Variants in EXOC2 observed in about 807,000 individuals in gnomAD.
The protein encoded by EXOC2 is exocyst complex component 2, also known as SEC5-like 1.
EXOC2 carries 70 observed loss-of-function variants against 131.8 expected under a neutral mutation model. That is an observed-to-expected ratio of 0.53 (90% confidence interval 0.44 to 0.65). EXOC2 has a LOEUF of 0.65. Among genes scored for constraint, EXOC2 ranks in the 30% least tolerant of loss-of-function variants. EXOC2 has a pLI of 0.00. For synonymous variants in EXOC2, 411 were observed against 398.4 expected (o/e 1.03, Z -0.38); for missense variants, 923 against 1,108.6 (o/e 0.83, Z 2.38).
chr6:495,218 A>C (rs574522227), intron 25 of EXOC2, among the ~76,000 whole-genome samples: 21 of 148,034 alleles, frequency 1.4e-4, no homozygotes, highest in Admixed American at 8.2e-4. Flanking sequence ...CTCCACCTCC[A>C]GGGTTCACGC....
intron 12 of EXOC2, among the ~76,000 whole-genome samples, chr6:572,978 T>C (rs1366731584): frequency 3.3e-5 from 5 of 152,194 alleles, no homozygotes; most frequent in Non-Finnish European, 2.9e-5. Context: ...CCTTGTCCTC[T>C]GGATAGTAAA....
intron 23 of EXOC2, among the ~76,000 whole-genome samples, chr6:523,026 T>G (rs1169730320): frequency 6.6e-6 from 1 of 152,172 alleles, no homozygotes; most frequent in African/African-American, 2.4e-5. Context: ...AAAGAATATT[T>G]CAGCAGGATT....
chr6:552,999 G>A (rs959416960), intron 21 of EXOC2, among the ~76,000 whole-genome samples: 5 of 152,048 alleles, frequency 3.3e-5, no homozygotes, highest in Non-Finnish European at 5.9e-5. Context: ...CTCACTGCAA[G>A]CTTCTCCTCT....
At chr6:498,838 C>T (rs1040555970) in intron 24 of EXOC2, among the ~76,000 whole-genome samples, 4 of 152,168 alleles carry the variant, frequency 2.6e-5, no homozygotes, top group Non-Finnish European at 4.4e-5. Flanking sequence ...ACGGTGGAAA[C>T]GACTGAATGG....
intron 13 of EXOC2, among the ~76,000 whole-genome samples, chr6:567,676 T>C (rs1758048491): frequency 6.6e-6 from 1 of 152,124 alleles, no homozygotes; most frequent in South Asian, 2.1e-4. Flanking sequence ...GTGTTGTGTG[T>C]CTGTTGTGTG....
rs541331803 is a variant in EXOC2, at chr6:625,074, T to C, written c.422+4761A>G. ...CAATTCCTGCCACCCTGAACAGATATGTTTTCCATTAGATGGCAGTGTAAG... is the reference window on the plus strand; with the variant it reads ...CAATTCCTGCCACCCTGAACAGATACGTTTTCCATTAGATGGCAGTGTAAG... On this transcript the variant is annotated intron_variant, in intron 4 of 27. Transcript: ENST00000230449. Among the ~76,000 whole-genome samples the C allele has an allele frequency of 2.0e-5, 3 of 152,340 alleles. No homozygotes were observed. The East Asian group carries it at 5.8e-4, about 29-fold the overall frequency.
At chr6:522,194 G>T (rs1172994484) in intron 23 of EXOC2, among the ~76,000 whole-genome samples, 1 of 152,238 alleles carries the variant, frequency 6.6e-6, no homozygotes, top group Non-Finnish European at 1.5e-5. Flanking sequence ...AGTGTGTGGT[G>T]AGCACTGTGA....
At chr6:649,627 A>G (rs1390768912) in intron 1 of EXOC2, among the ~76,000 whole-genome samples, 1 of 152,272 alleles carries the variant, frequency 6.6e-6, no homozygotes, top group East Asian at 1.9e-4. Context: ...GTCCTTATGG[A>G]AATTAACCGT....
At chr6:627,928 A>C (rs1397942132) in intron 4 of EXOC2, among the ~76,000 whole-genome samples, 5 of 152,364 alleles carry the variant, frequency 3.3e-5, no homozygotes, top group Admixed American at 6.5e-5. Context: ...TTATTGGATA[A>C]ATGTACATAA....
intron 21 of EXOC2, among the ~76,000 whole-genome samples, chr6:549,575 A>G (rs1389745688): frequency 2.0e-5 from 3 of 152,244 alleles, no homozygotes; most frequent in African/African-American, 7.2e-5. Flanking sequence ...AAATTCCATT[A>G]ACTAGGATCA....
chr6:501,151 A>ATAT, intron 23 of EXOC2, among the ~76,000 whole-genome samples: 1 of 52,008 alleles, frequency 1.9e-5, no homozygotes, highest in Non-Finnish European at 3.4e-5. Flanking sequence ...TATATATTAT[A>ATAT]TATATCTATA....
At chr6:596,256 A>G (rs916676686) in intron 10 of EXOC2, among the ~76,000 whole-genome samples, 1 of 151,618 alleles carries the variant, frequency 6.6e-6, no homozygotes, top group African/African-American at 2.4e-5. Flanking sequence ...GCCAATGACG[A>G]CGGCTCATAC....
chr6:618,351 AAAT>A (rs1427143177), intron 5 of EXOC2, among the ~76,000 whole-genome samples: 2 of 152,212 alleles, frequency 1.3e-5, no homozygotes, highest in East Asian at 3.8e-4. Context: ...TTCACAACTT[AAAT>A]AACTAGGAAG....
In EXOC2 at chr6:619,531, C is replaced by T. The variant is rs192548095; in HGVS notation, c.435G>A (p.Ser145=). ...GGAATAGCATTTCTAAGTCCTTCTG[C>T]GAAAATTTACTTCTGAGGGGAAAAA... ...LGIEIEKSKF[S]QKDLEMLFHG... Residue 145 remains serine (S), a synonymous_variant, in exon 5 of 28, where the codon TCG becomes TCA. Transcript: ENST00000230449. The T allele has an allele frequency of 5.4e-5, 87 of 1,612,786 alleles. No homozygotes were observed. Among genetic ancestry groups the T allele is most frequent in the Admixed American group, 8.4e-5 (5 of 59,868 alleles).
At chr6:554,219 T>G (rs1238577336) in intron 20 of EXOC2, among the ~76,000 whole-genome samples, 2 of 152,074 alleles carry the variant, frequency 1.3e-5, no homozygotes, top group African/African-American at 4.8e-5. Flanking sequence ...TTTTTATATT[T>G]TTAGTAGAGA....
chr6:531,997 T>C (rs1766114269), intron 23 of EXOC2, among the ~76,000 whole-genome samples: 1 of 152,244 alleles, frequency 6.6e-6, no homozygotes, highest in Non-Finnish European at 1.5e-5. Context: ...TGTGGCTCAA[T>C]TCTCTTTGCT....
chr6:604,176 T>G (rs1474735323), intron 7 of EXOC2, among the ~76,000 whole-genome samples: 2 of 152,232 alleles, frequency 1.3e-5, no homozygotes, highest in African/African-American at 4.8e-5. Context: ...AAATTCAACA[T>G]GTTGAACTGA....
At chr6:569,103 T>C (rs1404093624) in intron 13 of EXOC2, among the ~76,000 whole-genome samples, 1 of 152,236 alleles carries the variant, frequency 6.6e-6, no homozygotes, top group African/African-American at 2.4e-5. Flanking sequence ...TTGGAATATG[T>C]AAGGCATTTT....
chr6:641,137 G>A (rs1423121017), intron 1 of EXOC2, among the ~76,000 whole-genome samples: 3 of 152,114 alleles, frequency 2.0e-5, no homozygotes, highest in African/African-American at 4.8e-5. Flanking sequence ...GGCAAGACAG[G>A]TAAACCAGGG....
Sources: allele counts gnomAD v4.1 joint callset (sites outside exome capture counted in the v4.1 genomes callset), GRCh38; gene constraint gnomAD v4.1.1; transcripts MANE v1.5; gene names NCBI Gene and HGNC (gene_info 2026-07-23, HGNC 2026-07-21).